The following NIPAL3 variants were observed in gnomAD, a reference collection of about 807,000 sequenced individuals.
NIPAL3 encodes NIPA like domain containing 3.
In NIPAL3, 41 loss-of-function variants were observed where a neutral mutation model predicts 47.2. That is an observed-to-expected ratio of 0.87 (90% CI 0.68 to 1.13). The LOEUF (loss-of-function observed/expected upper bound fraction) is 1.13. NIPAL3 is among the 50% of genes most tolerant of loss of function. The pLI, the probability that NIPAL3 is intolerant of heterozygous loss-of-function variation, is 0.00. For missense variants in NIPAL3, 449 were observed against 530.1 expected, an observed-to-expected ratio of 0.85 and a Z score of 1.50; for synonymous variants, 194 against 209.6, an observed-to-expected ratio of 0.93 and a Z score of 0.64.
chr1:24,418,254 A>G lies in NIPAL3; in HGVS notation c.-257-1037A>G, dbSNP rs993442644. On this transcript the variant is annotated intron_variant, in intron 1 of 11. Transcript: ENST00000374399. ...AATACATTTCTAAAAAATGTATAAAAAGTCCTCAAAGAAAACCCTAACACT... is the reference window on the plus strand; with the variant it reads ...AATACATTTCTAAAAAATGTATAAAGAGTCCTCAAAGAAAACCCTAACACT... 3.3e-5 allele frequency among the ~76,000 whole-genome samples: 5 copies of G among 152,366 alleles called. No homozygotes were observed. In the East Asian group the frequency reaches 9.6e-4, roughly 29 times the overall value.
At position 24,417,959 on chromosome 1, in the gene NIPAL3, AAAAT is replaced by A. The variant is rs374013779; in HGVS notation, c.-257-1325_-257-1322del. ...ATGCATGAGAGAGAAAGGAATGGACAAAATAAATAATTAAACAGGAGAGAATAAA... is the reference window on the plus strand; with the variant it reads ...ATGCATGAGAGAGAAAGGAATGGACAAAATAATTAAACAGGAGAGAATAAA... On this transcript the variant is annotated intron_variant, in intron 1 of 11. Transcript: ENST00000374399. 3.9e-3 allele frequency among the ~76,000 whole-genome samples: 598 copies of A among 152,368 alleles called. 8 individuals carry two copies. Among genetic ancestry groups the A allele is most frequent in the African/African-American group, 0.013 (541 of 41,588 alleles).
intron 6 of NIPAL3, among the ~76,000 whole-genome samples, chr1:24,452,545 G>T (rs775530330): frequency 6.6e-6 from 1 of 152,058 alleles, no homozygotes; most frequent in Admixed American, 6.5e-5. Flanking sequence ...GTTAACTAAG[G>T]TTTAGAGAAG....
Position 24,449,267 on chromosome 1 carries a change from C to T in NIPAL3, c.395-214C>T, listed in dbSNP as rs1645817445. On this transcript the variant is annotated intron_variant, in intron 5 of 11. Coordinates refer to ENST00000374399, the MANE Select transcript of NIPAL3 (RefSeq NM_020448.5). The surrounding 1 kb of genome is among the most constrained non-coding windows in gnomAD (Gnocchi z 4.5). ...AAGCACTTTTTGTATGCATGTTATA[C>T]TTCATTAAAGTTTTTTATTTTTTTA... 6.6e-6 allele frequency among the ~76,000 whole-genome samples: 1 copy of T among 152,098 alleles called. No individual in the cohort carries two copies. Among genetic ancestry groups the T allele is most frequent in the Admixed American group, 6.5e-5 (1 of 15,274 alleles).
At position 24,416,240 on chromosome 1, in the gene NIPAL3, G is replaced by A. The variant is rs947207941; in HGVS notation, c.-258+336G>A. The A allele has an allele frequency of 2.0e-6, 2 of 985,428 alleles. No individual in the cohort carries two copies. The highest frequency in any genetic ancestry group is 2.4e-6 in the Non-Finnish European group (2 of 830,036). The allele number at this position is 985,428 out of a possible 1,614,324, so 61.0% of individuals were successfully genotyped here. ...AGATGGTGGAGTTAGCAGGTGGGAT[G>A]AGGGGAGGCGTTCTTGGTCTAAGCC... On this transcript the variant is annotated intron_variant, in intron 1 of 11. Coordinates refer to ENST00000374399, the MANE Select transcript of NIPAL3 (RefSeq NM_020448.5). This position sits in a 1 kb window ranked among gnomAD's most constrained non-coding sequence, Gnocchi z 4.8.
intron 6 of NIPAL3, among the ~76,000 whole-genome samples, chr1:24,452,846 C>G (rs1192586839): frequency 6.8e-6 from 1 of 147,084 alleles, no homozygotes; most frequent in African/African-American, 2.5e-5. Flanking sequence ...GCCACCACGC[C>G]CAGCTAATTT....
At position 24,442,934 on chromosome 1, in the gene NIPAL3, C is replaced by T. The variant is rs553355880; in HGVS notation, c.334+708C>T. On this transcript the variant is annotated intron_variant, in intron 4 of 11. Transcript: ENST00000374399. Reference sequence around the variant, plus strand: ...GCAGTGAGCTTTGATTACACAATTGCACTCCAGCCTGGGTGACAGAGCAAG... The same window carrying T: ...GCAGTGAGCTTTGATTACACAATTGTACTCCAGCCTGGGTGACAGAGCAAG... Among the ~76,000 whole-genome samples the T allele has an allele frequency of 2.0e-5, 3 of 152,310 alleles. No homozygotes were observed. In the East Asian group the frequency reaches 5.8e-4, roughly 29 times the overall value.
intron 2 of NIPAL3, among the ~76,000 whole-genome samples, chr1:24,423,487 G>A (rs918245202): frequency 2.0e-5 from 3 of 152,156 alleles, no homozygotes; most frequent in Non-Finnish European, 4.4e-5. Flanking sequence ...AAAATTAGCC[G>A]GGTGCGGTGG....
chr1:24,438,342 A>G (rs1645219215), intron 2 of NIPAL3, among the ~76,000 whole-genome samples: 1 of 151,818 alleles, frequency 6.6e-6, no homozygotes, highest in Non-Finnish European at 1.5e-5. Flanking sequence ...AGCTGGGACT[A>G]GACTGGGGTC....
In NIPAL3 at chr1:24,443,758, G is replaced by A. The variant is rs191947466; in HGVS notation, c.335-1427G>A. Among the ~76,000 whole-genome samples the A allele has an allele frequency of 1.3e-3, 196 of 152,264 alleles. 1 individual carries two copies. Among genetic ancestry groups the A allele is most frequent in the Middle Eastern group, 0.01 (3 of 294 alleles). ...AGTACTTTTTTAATGTAATTTGAAT[G>A]TCTTTAGCTGAGGCAAGTAGTTTGC... On this transcript the variant is annotated intron_variant, in intron 4 of 11. Coordinates refer to ENST00000374399, the MANE Select transcript of NIPAL3 (RefSeq NM_020448.5).
chr1:24,429,202 G>A (rs1420266860), intron 2 of NIPAL3, among the ~76,000 whole-genome samples: 5 of 152,128 alleles, frequency 3.3e-5, no homozygotes, highest in Non-Finnish European at 5.9e-5. Flanking sequence ...CTGAGGTCAG[G>A]AGTTTGAGAC....
chr1:24,420,366 G>T (rs1160289443), intron 2 of NIPAL3, among the ~76,000 whole-genome samples: 2 of 152,122 alleles, frequency 1.3e-5, no homozygotes, highest in African/African-American at 4.8e-5. Context: ...GCCAGGTGTG[G>T]TGGCATGTGC....
rs1477894093 is a variant in NIPAL3 at position 24,451,531 on chromosome 1, A to G, written c.541-1877A>G. 6.6e-6 allele frequency among the ~76,000 whole-genome samples: 1 copy of G among 151,848 alleles called. No homozygotes were observed. Among genetic ancestry groups the G allele is most frequent in the Admixed American group, 6.6e-5 (1 of 15,236 alleles). ...GGCAATGTGGCAAAACCCCGTCTCT[A>G]TTTGGAAAAAAAAAAGTAAAAATTA... On this transcript the variant is annotated intron_variant, in intron 6 of 11. Coordinates refer to ENST00000374399, the MANE Select transcript of NIPAL3 (RefSeq NM_020448.5). The surrounding 1 kb of genome is among the most constrained non-coding windows in gnomAD (Gnocchi z 4.5).
intron 10 of NIPAL3, among the ~76,000 whole-genome samples, chr1:24,462,135 A>G (rs1407041342): frequency 1.6e-4 from 25 of 152,158 alleles, no homozygotes; most frequent in Admixed American, 1.6e-3. Context: ...TGCCAAGCAA[A>G]GGGGGAAAAG....
chr1:24,416,387 G>A lies in NIPAL3; in HGVS notation c.-258+483G>A. On this transcript the variant is annotated intron_variant, in intron 1 of 11. Transcript: ENST00000374399. The surrounding 1 kb of genome is among the most constrained non-coding windows in gnomAD (Gnocchi z 4.8). ...GGAACGGGAAGCTTGGCAGGGAACT[G>A]GCGCTCACCTCCAGAAGCCAGATCG... The A allele has an allele frequency of 1.0e-6, 1 of 953,538 alleles. No individual in the cohort carries two copies. Among genetic ancestry groups the A allele is most frequent in the Non-Finnish European group, 1.2e-6 (1 of 800,868 alleles). The allele number at this position is 953,538 out of a possible 1,614,324, so 59.1% of individuals were successfully genotyped here. A position where few individuals can be genotyped will look rare whatever the true frequency, so the allele number is the denominator to read the frequency against.
chr1:24,437,062 T>C (rs1645150341), intron 2 of NIPAL3, among the ~76,000 whole-genome samples: 1 of 151,942 alleles, frequency 6.6e-6, no homozygotes, highest in Non-Finnish European at 1.5e-5. Flanking sequence ...CCATCCTGGA[T>C]AACACGGTGA....
intron 5 of NIPAL3, among the ~76,000 whole-genome samples, chr1:24,448,218 A>G (rs1428527069): frequency 9.2e-5 from 14 of 152,250 alleles, no homozygotes; most frequent in Admixed American, 6.5e-4. Context: ...TCTATCCCAG[A>G]AAAGTCCAGA....
chr1:24,461,806 T>C (rs1302337768), intron 10 of NIPAL3, among the ~76,000 whole-genome samples: 2 of 151,686 alleles, frequency 1.3e-5, no homozygotes, highest in Non-Finnish European at 2.9e-5. Flanking sequence ...GAGGTGGAGG[T>C]TGCAGTGAGC....
At position 24,440,211 on chromosome 1, in the gene NIPAL3, CT is replaced by C; in HGVS notation, c.134del (p.Leu45ProfsTer38). ...IGALLAIFGH[L>X]VVSIALNLQK... ...CGCCCTCTTGGCGATCTTCGGGCAC[CT>C]CGTGGTCAGCATTGCACTTAACCTC... On this transcript the variant is annotated frameshift_variant, in exon 3 of 12. Coordinates refer to ENST00000374399, the MANE Select transcript of NIPAL3 (RefSeq NM_020448.5). LOFTEE classifies it high-confidence loss of function. The C allele has an allele frequency of 6.3e-7, 1 of 1,597,812 alleles. No homozygotes were observed. Among genetic ancestry groups the C allele is most frequent in the Non-Finnish European group, 8.5e-7 (1 of 1,172,558 alleles).
chr1:24,445,035 C>T (rs1253348567), intron 4 of NIPAL3, 150 bp from the exon 5 acceptor site: 1 of 561,954 alleles, frequency 1.8e-6, no homozygotes, highest in Non-Finnish European at 3.2e-6. Flanking sequence ...TAGATGGAAT[C>T]ACACAGGAAC....
Sources: gnomAD v4.1 joint callset for allele counts (sites outside exome capture counted in the v4.1 genomes callset) on GRCh38, gnomAD v4.1.1 for gene constraint, Gnocchi (gnomAD v3.1) non-coding constraint, MANE v1.5 for transcripts, NCBI Gene and HGNC (gene_info 2026-07-23, HGNC 2026-07-21) for gene names.